Variants in SEMA3E observed in about 807,000 individuals in gnomAD.
SEMA3E encodes the protein semaphorin 3E, also known as semaphorin-3E.
A neutral mutation model predicts 93.6 loss-of-function variants in SEMA3E; 49 were observed. The observed-to-expected ratio is 0.52, with a 90% CI of 0.42 to 0.66. The LOEUF is 0.66. Among genes scored for constraint, SEMA3E ranks in the 30% least tolerant of loss-of-function variants. The pLI is 0.00. For missense variants in SEMA3E, 906 were observed against 964.8 expected, an observed-to-expected ratio of 0.94 and a Z score of 0.81; for synonymous variants, 363 against 330.7, an observed-to-expected ratio of 1.10 and a Z score of -1.06.
intron 1 of SEMA3E, among the ~76,000 whole-genome samples, chr7:83,513,069 C>T (rs564205103): frequency 7.8e-4 from 118 of 152,212 alleles, no homozygotes; most frequent in African/African-American, 2.7e-3. Context: ...TTCTATTTAT[C>T]GCAATATTGA....
chr7:83,552,969 G>C (rs1351882801), intron 1 of SEMA3E, among the ~76,000 whole-genome samples: 3 of 146,936 alleles, frequency 2.0e-5, no homozygotes, highest in East Asian at 3.9e-4. Context: ...TCAGAAGCAT[G>C]TGATCTTTGT....
intron 4 of SEMA3E, among the ~76,000 whole-genome samples, chr7:83,464,344 C>A (rs1002951547): frequency 3.3e-5 from 5 of 151,392 alleles, no homozygotes; most frequent in African/African-American, 1.2e-4. Context: ...GCCCCAGTCT[C>A]ATTCCAGACA....
intron 4 of SEMA3E, among the ~76,000 whole-genome samples, chr7:83,422,976 A>G (rs531236135): frequency 2.0e-5 from 3 of 152,194 alleles, no homozygotes; most frequent in Non-Finnish European, 4.4e-5. Context: ...AAATCATAAT[A>G]TAGGTTCTTG....
At chr7:83,509,839 T>G (rs1279700112) in intron 1 of SEMA3E, among the ~76,000 whole-genome samples, 1 of 152,210 alleles carries the variant, frequency 6.6e-6, no homozygotes, top group African/African-American at 2.4e-5. Context: ...AATGCTCAGC[T>G]ATTAGATAAG....
rs1017722899 is a variant in SEMA3E, at chr7:83,519,655, C to G, written c.116-29381G>C. Reference sequence around the variant, plus strand: ...GTATCATAGCTCCGGGATGTATCTCCTATTATAGCATTTATCATACTGAGT... The same window carrying G: ...GTATCATAGCTCCGGGATGTATCTCGTATTATAGCATTTATCATACTGAGT... On this transcript the variant is annotated intron_variant, in intron 1 of 16. Coordinates refer to ENST00000643230, the MANE Select transcript of SEMA3E (RefSeq NM_012431.3). Among the ~76,000 whole-genome samples the G allele has an allele frequency of 9.2e-5, 14 of 152,066 alleles. No homozygotes were observed. In the South Asian group the frequency reaches 1.5e-3, roughly 16 times the overall value.
intron 1 of SEMA3E, among the ~76,000 whole-genome samples, chr7:83,647,066 A>T (rs1794088178): frequency 6.6e-6 from 1 of 152,132 alleles, no homozygotes; most frequent in Non-Finnish European, 1.5e-5. Flanking sequence ...ACATACCATG[A>T]TACATCTTCC....
intron 1 of SEMA3E, among the ~76,000 whole-genome samples, chr7:83,607,222 C>T (rs1793143065): frequency 6.6e-6 from 1 of 152,184 alleles, no homozygotes; most frequent in Non-Finnish European, 1.5e-5. Flanking sequence ...GTTATTGTGT[C>T]CACATGACAA....
intron 1 of SEMA3E, among the ~76,000 whole-genome samples, chr7:83,571,231 C>A (rs2115869874): frequency 6.6e-6 from 1 of 152,262 alleles, no homozygotes; most frequent in South Asian, 2.1e-4. Context: ...ACAAAGCCAG[C>A]ATCATTCTGA....
intron 1 of SEMA3E, among the ~76,000 whole-genome samples, chr7:83,571,982 A>C (rs1331912487): frequency 1.3e-5 from 2 of 152,078 alleles, no homozygotes; most frequent in African/African-American, 2.4e-5. Flanking sequence ...AGTATCCACA[A>C]AAAAAATGAA....
chr7:83,564,012 G>T lies in SEMA3E; in HGVS notation c.116-73738C>A, dbSNP rs115589192. ...GTTCAACTGATTGTGCATGCAGATA[G>T]TTGCCAAATAAGAGCTGTCAAACTT... On this transcript the variant is annotated intron_variant, in intron 1 of 16. Transcript: ENST00000643230. 3.9e-3 allele frequency among the ~76,000 whole-genome samples: 587 copies of T among 152,196 alleles called. 3 individuals are homozygous for T. The highest frequency in any genetic ancestry group is 0.013 in the African/African-American group (538 of 41,532).
intron 1 of SEMA3E, among the ~76,000 whole-genome samples, chr7:83,642,753 T>A (rs1794031099): frequency 6.6e-6 from 1 of 152,100 alleles, no homozygotes; most frequent in Non-Finnish European, 1.5e-5. Context: ...CTTATGGCCC[T>A]GTCTATTAAA....
chr7:83,508,040 A>G (rs771188710), intron 1 of SEMA3E, among the ~76,000 whole-genome samples: 4 of 152,132 alleles, frequency 2.6e-5, no homozygotes, highest in Non-Finnish European at 5.9e-5. Context: ...ATTAACAGAT[A>G]TGATATTGAG....
At chr7:83,494,800 G>A (rs1790455077) in intron 1 of SEMA3E, among the ~76,000 whole-genome samples, 1 of 151,922 alleles carries the variant, frequency 6.6e-6, no homozygotes, top group South Asian at 2.1e-4. Flanking sequence ...CATCACCACA[G>A]TGTGACAATA....
rs375203814 is a variant in SEMA3E, at chr7:83,551,198, G to A, written c.116-60924C>T. On this transcript the variant is annotated intron_variant, in intron 1 of 16. Transcript: ENST00000643230. ...ACACACTAAAGAAATGGTTTTACAT[G>A]TTTCTAATACCAAAAAAAATACTGA... Among the ~76,000 whole-genome samples the A allele has an allele frequency of 5.7e-4, 87 of 151,866 alleles. 2 individuals are homozygous for A. The South Asian group carries it at 0.018, about 31-fold the overall frequency.
At chr7:83,385,172 T>TTAAA (rs1787852889) in intron 16 of SEMA3E, 122 bp downstream of exon 16, 1 of 944,628 alleles carries the variant, frequency 1.1e-6, no homozygotes, top group East Asian at 2.5e-5. Flanking sequence ...AACTGACTTA[T>TTAAA]TAAATAAGGC....
intron 1 of SEMA3E, among the ~76,000 whole-genome samples, chr7:83,638,481 A>G (rs958656768): frequency 6.6e-6 from 1 of 152,242 alleles, no homozygotes. Flanking sequence ...AATCATAGCT[A>G]CATCATGCTA....
chr7:83,632,616 G>T (rs1250835048), intron 1 of SEMA3E, among the ~76,000 whole-genome samples: 1 of 152,182 alleles, frequency 6.6e-6, no homozygotes, highest in Non-Finnish European at 1.5e-5. Flanking sequence ...ATGTGGAACT[G>T]TAAGTACATT....
In SEMA3E at chr7:83,397,516, G is replaced by GA. The variant is rs576941782; in HGVS notation, c.1367-788dup. ...ATGCAAGCACACACAGTTTTGGCAA[G>GA]AAAAAAATCCAAGTATACACCATTG... is the stretch of plus-strand genomic sequence containing the variant. On this transcript the variant is annotated intron_variant, in intron 11 of 16. Transcript: ENST00000643230. Among the ~76,000 whole-genome samples, 34 of 152,016 alleles carry GA rather than the reference G, an allele frequency of 2.2e-4. 1 individual carries two copies. The South Asian group carries it at 6.6e-3, about 30-fold the overall frequency.
chr7:83,639,334 T>A (rs947502968), intron 1 of SEMA3E, among the ~76,000 whole-genome samples: 1 of 151,950 alleles, frequency 6.6e-6, no homozygotes, highest in Admixed American at 6.6e-5. Flanking sequence ...TGCAATGTAA[T>A]TCAATCAAGA....
Sources: gnomAD v4.1 joint callset for allele counts (sites outside exome capture counted in the v4.1 genomes callset) on GRCh38, gnomAD v4.1.1 for gene constraint, MANE v1.5 for transcripts, NCBI Gene and HGNC (gene_info 2026-07-23, HGNC 2026-07-21) for gene names.